Variants in CACTIN observed in about 807,000 individuals in gnomAD.
CACTIN encodes splicing factor Cactin.
Under a neutral mutation model 84.9 loss-of-function variants are expected in CACTIN, and 20 were observed. The ratio of observed to expected loss-of-function variants is 0.24; its 90% CI spans 0.17 to 0.34. CACTIN has a LOEUF of 0.34. Ranked by LOEUF, CACTIN falls within the 10% of genes least tolerant of loss-of-function variation. CACTIN has a pLI of 1.00. For missense variants in CACTIN, 897 were observed against 1,117.2 expected, an observed-to-expected ratio of 0.80 and a Z score of 2.81; for synonymous variants, 549 against 467.9, an observed-to-expected ratio of 1.17 and a Z score of -2.24.
intron 6 of CACTIN, among the ~76,000 whole-genome samples, chr19:3,617,478 G>A (rs1599888325): frequency 6.6e-6 from 1 of 152,200 alleles, no homozygotes; most frequent in African/African-American, 2.4e-5. Flanking sequence ...ACGCGTGAGG[G>A]GAAAGGAGGG....
intron 6 of CACTIN, chr19:3,616,059 T>C (rs114769449): frequency 0.012 from 1,754 of 152,250 alleles, 30 homozygotes; most frequent in African/African-American, 0.04. Flanking sequence ...GACATGCTGC[T>C]GCATGTCTGG....
chr19:3,622,680 C>T lies in CACTIN; in HGVS notation c.642+1008G>A, dbSNP rs1568296406. 3.3e-5 allele frequency among the ~76,000 whole-genome samples: 5 copies of T among 152,338 alleles called. No homozygotes were observed. In the South Asian group the frequency reaches 8.3e-4, roughly 25 times the overall value. On this transcript the variant is annotated intron_variant, in intron 2 of 9. Transcript: ENST00000429344. ...GAGTGGGGTCCTGCCCACACCTGCC[C>T]ACGCCTTGATTTTGGACTTCTGGAC...
In CACTIN at chr19:3,613,065, C is replaced by G; in HGVS notation, c.1779G>C (p.Gln593His). The G allele has an allele frequency of 6.4e-7, 1 of 1,555,326 alleles. No homozygotes were observed. Among genetic ancestry groups the G allele is most frequent in the Non-Finnish European group, 8.6e-7 (1 of 1,157,224 alleles). The change falls in exon 9 of 10, where the codon CAG becomes CAC. Residue 593 changes from glutamine to histidine, a missense_variant. Around this residue, in one of 8 missense-constraint regions of CACTIN, gnomAD observed 243 missense variants for 239.9 expected, o/e 1.01. Coordinates refer to ENST00000429344, the MANE Select transcript of CACTIN (RefSeq NM_001080543.2). Reference sequence around the variant, plus strand: ...CTCCAGCCCCGCCCTTACCCGTGACCTGGAGCTGCTGGCGCGAGAGCTGCA... The same window carrying G: ...CTCCAGCCCCGCCCTTACCCGTGACGTGGAGCTGCTGGCGCGAGAGCTGCA... ...QRLQLSRQQL[Q>H]VTGDASESAE...
chr19:3,616,468 G>A (rs1001483889), intron 6 of CACTIN: 2 of 151,976 alleles, frequency 1.3e-5, no homozygotes, highest in African/African-American at 4.8e-5. Context: ...AATTAGCCAG[G>A]TGTGGTGGTA....
Position 3,613,375 on chromosome 19 carries a change from G to A in CACTIN, c.1479-10C>T, listed in dbSNP as rs2033018707. The A allele has an allele frequency of 6.6e-7, 1 of 1,524,456 alleles. No individual in the cohort carries two copies. The highest frequency in any genetic ancestry group is 1.2e-5 in the South Asian group (1 of 82,078). 94.4% of individuals were successfully genotyped at this position (1,524,456 alleles called of 1,614,324 possible). The stretch of plus-strand genomic sequence containing the variant: ...GTCCTCAGGCTCCAGGCTGGGAGGA[G>A]AGAGCGTTGGAGGCGCGGAGGCTGC... On this transcript the variant is annotated splice_polypyrimidine_tract_variant and intron_variant, in intron 8 of 9. Coordinates refer to ENST00000429344, the MANE Select transcript of CACTIN (RefSeq NM_001080543.2).
At chr19:3,613,706 G>C in intron 7 of CACTIN, 120 bp from the exon 8 acceptor site, 1 of 1,400,906 alleles carries the variant, frequency 7.1e-7, no homozygotes, top group Non-Finnish European at 9.6e-7. Context: ...AGCAGCCACG[G>C]CTCTGGCTGG....
chr19:3,613,117 A>T lies in CACTIN; in HGVS notation c.1727T>A (p.Leu576Gln). Residue 576 changes from leucine (L) to glutamine (Q), a missense_variant, in exon 9 of 10, where the codon CTG (leucine) becomes CAG (glutamine). Physicochemically the swap from Leu to Gln is moderately radical, Grantham distance 113. Around this residue, in one of 8 missense-constraint regions of CACTIN, gnomAD observed 243 missense variants for 239.9 expected, o/e 1.01. Transcript: ENST00000429344. ...AHELPLDAHV[L>Q]EPDEDLQRLQ... ...GCGCTGCAGGTCCTCATCCGGTTCC[A>T]GCACGTGCGCGTCCAGTGGCAGCTC... 1 of 1,604,076 alleles carries T rather than the reference A, an allele frequency of 6.2e-7. No individual in the cohort carries two copies. The highest frequency in any genetic ancestry group is 8.5e-7 in the Non-Finnish European group (1 of 1,178,214).
rs1314780892 is a variant in CACTIN, at chr19:3,612,218, G to A, written c.1982C>T (p.Thr661Met). 1 of 1,613,360 alleles carries A rather than the reference G, an allele frequency of 6.2e-7. No individual in the cohort carries two copies. Among genetic ancestry groups the A allele is most frequent in the Non-Finnish European group, 8.5e-7 (1 of 1,179,896 alleles). The change falls in exon 10 of 10, where the codon ACG (threonine) becomes ATG (methionine). Residue 661 changes from threonine (T) to methionine (M), a missense_variant. Thr to Met is a moderately conservative substitution (Grantham distance 81). This residue lies in a region of CACTIN where 5 missense variants were observed against 32.3 expected (regional missense o/e 0.15). Coordinates refer to ENST00000429344, the MANE Select transcript of CACTIN (RefSeq NM_001080543.2). ...TGFEWNKYNQ[T>M]HYDFDNPPPK... ...CGGTGGGTTGTCAAAGTCGTAGTGC[G>A]TCTGGTTGTACTTGTTCCACTCGAA...
Position 3,621,065 on chromosome 19 carries a change from C to T in CACTIN, c.643-263G>A, listed in dbSNP as rs189399348. 64 of 563,868 alleles carry T rather than the reference C, an allele frequency of 1.1e-4. 1 individual carries two copies. The highest frequency in any genetic ancestry group is 6.4e-4 in the East Asian group (20 of 31,110). The allele number at this position is 563,868 out of a possible 1,614,324, so 34.9% of individuals were successfully genotyped here. ...CAACTCTCAACAGGAGGGCCTCACT[C>T]GGGGCCGCCCCAACTCCCAACAGGA... On this transcript the variant is annotated intron_variant, in intron 2 of 9. Coordinates refer to ENST00000429344, the MANE Select transcript of CACTIN (RefSeq NM_001080543.2).
intron 6 of CACTIN, among the ~76,000 whole-genome samples, chr19:3,617,518 T>A (rs557205595): frequency 6.6e-6 from 1 of 151,772 alleles, no homozygotes; most frequent in East Asian, 1.9e-4. Context: ...CAGAAGGCCA[T>A]GGAAGGGATG....
intron 1 of CACTIN, among the ~76,000 whole-genome samples, chr19:3,624,492 G>A (rs949057772): frequency 1.3e-5 from 2 of 152,148 alleles, no homozygotes; most frequent in African/African-American, 4.8e-5. Context: ...TGGAGGGAGT[G>A]GGGAGGCAGC....
intron 2 of CACTIN, among the ~76,000 whole-genome samples, chr19:3,622,736 T>C (rs571330046): frequency 8.5e-5 from 13 of 152,344 alleles, no homozygotes; most frequent in African/African-American, 2.6e-4. Flanking sequence ...AGTTCTGTTG[T>C]CTTATGCCAC....
rs2032927520 is a variant in CACTIN at position 3,610,748 on chromosome 19, G to A, written c.*1175C>T. ...TTTCCCACCTACAAGTCTTTTTAGA[G>A]AAACAAACGGAACTATTTCCAGATG... On this transcript the variant is annotated 3_prime_UTR_variant, in exon 10 of 10. Coordinates refer to ENST00000429344, the MANE Select transcript of CACTIN (RefSeq NM_001080543.2). 2.2e-6 allele frequency: 1 copy of A among 457,060 alleles called. No individual in the cohort carries two copies. Among genetic ancestry groups the A allele is most frequent in the Non-Finnish European group, 4.4e-6 (1 of 227,056 alleles). The allele number at this position is 457,060 out of a possible 1,614,324, so 28.3% of individuals were successfully genotyped here.
chr19:3,626,586 G>T lies in CACTIN; in HGVS notation c.167+10C>A, dbSNP rs570442108. Reference sequence around the variant, plus strand: ...CCGGATCCCCAGCGCTGCTCCCGCAGCGACCCCACCTGCGCTCCCGGCTCC... The same window carrying T: ...CCGGATCCCCAGCGCTGCTCCCGCATCGACCCCACCTGCGCTCCCGGCTCC... On this transcript the variant is annotated intron_variant, in intron 1 of 9. Coordinates refer to ENST00000429344, the MANE Select transcript of CACTIN (RefSeq NM_001080543.2). 1 of 1,437,122 alleles carries T rather than the reference G, an allele frequency of 7.0e-7. No homozygotes were observed. Among genetic ancestry groups the T allele is most frequent in the Admixed American group, 2.6e-5 (1 of 39,078 alleles). 89.0% of individuals were successfully genotyped at this position (1,437,122 alleles called of 1,614,324 possible).
intron 9 of CACTIN, 71 bp downstream of exon 9, chr19:3,612,987 T>G: frequency 6.7e-7 from 1 of 1,491,552 alleles, no homozygotes; most frequent in Middle Eastern, 2.1e-4. Flanking sequence ...GGCCGGGAAA[T>G]GAGGCTGGAG....
chr19:3,613,065 C>T lies in CACTIN; in HGVS notation c.1779G>A (p.Gln593=). ...CTCCAGCCCCGCCCTTACCCGTGAC[C>T]TGGAGCTGCTGGCGCGAGAGCTGCA... The part of the protein sequence containing the change: ...QRLQLSRQQL[Q]VTGDASESAE... The change falls in exon 9 of 10, where the codon CAG becomes CAA. Residue 593 remains glutamine (Q), a synonymous_variant. Coordinates refer to ENST00000429344, the MANE Select transcript of CACTIN (RefSeq NM_001080543.2). The T allele has an allele frequency of 1.9e-6, 3 of 1,555,326 alleles. No individual in the cohort carries two copies. Among genetic ancestry groups the T allele is most frequent in the East Asian group, 2.4e-5 (1 of 42,482 alleles).
At chr19:3,613,726 C>T in intron 7 of CACTIN, 140 bp from the exon 8 acceptor site, 2 of 1,288,376 alleles carry the variant, frequency 1.6e-6, no homozygotes, top group South Asian at 2.9e-5. Context: ...GGACCTTTGC[C>T]CAGGCTTGGT....
intron 6 of CACTIN, 123 bp from the exon 7 acceptor site, chr19:3,614,712 C>T (rs964655087): frequency 5.4e-6 from 4 of 744,602 alleles, no homozygotes; most frequent in African/African-American, 3.5e-5. Context: ...CACAGGGGTC[C>T]CATCCAGTCC....
intron 9 of CACTIN, chr19:3,612,687 G>A (rs1599882987): frequency 2.8e-6 from 2 of 706,184 alleles, no homozygotes; most frequent in South Asian, 3.0e-5. Context: ...AGAACCTGGT[G>A]GTTAGGGCCT....
Sources: gnomAD v4.1 joint callset for allele counts (sites outside exome capture counted in the v4.1 genomes callset) on GRCh38, gnomAD v4.1.1 for gene constraint, gnomAD v4.1.1 regional missense constraint, MANE v1.5 for transcripts, NCBI Gene and HGNC (gene_info 2026-07-23, HGNC 2026-07-21) for gene names.